Variants in CFAP221 observed in about 807,000 individuals in gnomAD.
CFAP221 encodes cilia- and flagella-associated protein 221.
In CFAP221, 97 loss-of-function variants were observed where a neutral mutation model predicts 113.1. The observed-to-expected ratio is 0.86, with a 90% CI of 0.73 to 1.02. The LOEUF (loss-of-function observed/expected upper bound fraction) is 1.02. Among genes scored for constraint, CFAP221 ranks in the 50% least tolerant of loss-of-function variants. The pLI, the probability that CFAP221 is intolerant of heterozygous loss-of-function variation, is 0.00. For synonymous variants in CFAP221, 331 were observed against 354.4 expected (o/e 0.93, Z 0.74); for missense variants, 1,025 against 1,013.4 (o/e 1.01, Z -0.16).
At chr2:119,583,395 C>CTTTTTTTTTTT (rs375405686) in intron 6 of CFAP221, among the ~76,000 whole-genome samples, 5 of 123,316 alleles carry the variant, frequency 4.1e-5, no homozygotes, top group Non-Finnish European at 6.6e-5. Context: ...GAAATAGTCT[C>CTTTTTTTTTTT]TTTTTTTTTT....
At chr2:119,574,428 C>A (rs533548286) in intron 6 of CFAP221, among the ~76,000 whole-genome samples, 1 of 152,304 alleles carries the variant, frequency 6.6e-6, no homozygotes, top group East Asian at 1.9e-4. Flanking sequence ...AAAAAGTGTT[C>A]ATGGATGAAT....
intron 14 of CFAP221, among the ~76,000 whole-genome samples, chr2:119,620,771 T>C (rs1488848400): frequency 6.6e-6 from 1 of 152,146 alleles, no homozygotes; most frequent in Non-Finnish European, 1.5e-5. Context: ...ACAGGTTAAG[T>C]GCCCCAATTA....
At chr2:119,568,404 T>C (rs1225280875) in intron 6 of CFAP221, among the ~76,000 whole-genome samples, 1 of 152,206 alleles carries the variant, frequency 6.6e-6, no homozygotes, top group Non-Finnish European at 1.5e-5. Flanking sequence ...ATGTGTGCCA[T>C]GGTGGTTTGC....
intron 23 of CFAP221, among the ~76,000 whole-genome samples, chr2:119,654,654 AAACT>A (rs1206419001): frequency 2.6e-5 from 4 of 152,210 alleles, no homozygotes; most frequent in Non-Finnish European, 2.9e-5. Context: ...ACAGAAAAAC[AAACT>A]AACAATGAAC....
intron 3 of CFAP221, 71 bp from the exon 4 acceptor site, chr2:119,559,618 G>T: frequency 7.8e-7 from 1 of 1,274,498 alleles, no homozygotes; most frequent in Non-Finnish European, 1.1e-6. Context: ...AACAGATGAA[G>T]TCTACATAAA....
At chr2:119,598,647 G>T (rs928176816) in intron 7 of CFAP221, among the ~76,000 whole-genome samples, 1 of 152,192 alleles carries the variant, frequency 6.6e-6, no homozygotes, top group Non-Finnish European at 1.5e-5. Context: ...ACTCTCCTTT[G>T]TGCCACTGTT....
intron 14 of CFAP221, among the ~76,000 whole-genome samples, 176 bp downstream of exon 14, chr2:119,615,885 C>G (rs1685491616): frequency 6.6e-6 from 1 of 152,116 alleles, no homozygotes. Context: ...GCAGCCATCA[C>G]CCCTATCTAA....
intron 8 of CFAP221, among the ~76,000 whole-genome samples, chr2:119,603,739 C>G (rs1684520341): frequency 6.6e-6 from 1 of 152,114 alleles, no homozygotes; most frequent in South Asian, 2.1e-4. Flanking sequence ...TGGTTATTTT[C>G]AAAATCGTAA....
intron 14 of CFAP221, among the ~76,000 whole-genome samples, chr2:119,618,140 C>A (rs187667938): frequency 1.3e-5 from 2 of 152,318 alleles, no homozygotes; most frequent in African/African-American, 4.8e-5. Flanking sequence ...TATTTATTGT[C>A]ATCCCACTTT....
At chr2:119,553,964 A>G (rs1680603985) in intron 3 of CFAP221, among the ~76,000 whole-genome samples, 1 of 152,206 alleles carries the variant, frequency 6.6e-6, no homozygotes, top group Non-Finnish European at 1.5e-5. Context: ...AGTAAATACA[A>G]TGTAAAGTCT....
chr2:119,604,418 G>T (rs1684577846), intron 8 of CFAP221, among the ~76,000 whole-genome samples: 1 of 151,936 alleles, frequency 6.6e-6, no homozygotes, highest in East Asian at 1.9e-4. Flanking sequence ...TGGTGACAGA[G>T]TGAGACTCCA....
chr2:119,614,628 G>A (rs963509744), intron 13 of CFAP221, among the ~76,000 whole-genome samples: 1 of 152,122 alleles, frequency 6.6e-6, no homozygotes, highest in African/African-American at 2.4e-5. Context: ...GAACAGGATG[G>A]GGAAAACTGC....
chr2:119,642,781 C>A (rs1029613645), intron 21 of CFAP221, among the ~76,000 whole-genome samples: 10 of 151,968 alleles, frequency 6.6e-5, no homozygotes, highest in African/African-American at 2.4e-4. Context: ...CTCAAGCAAT[C>A]CTCCCACCTC....
At chr2:119,549,269 G>A in intron 3 of CFAP221, 84 bp downstream of exon 3, 1 of 1,111,242 alleles carries the variant, frequency 9.0e-7, no homozygotes, top group Non-Finnish European at 1.3e-6. Flanking sequence ...CTTATCTAAA[G>A]CACAGCATAA....
intron 22 of CFAP221, among the ~76,000 whole-genome samples, chr2:119,650,410 T>C (rs1010031806): frequency 6.6e-6 from 1 of 152,250 alleles, no homozygotes. Context: ...TCATATTTGC[T>C]TCAGCTTCTT....
At chr2:119,593,858 C>A (rs1431082390) in intron 7 of CFAP221, among the ~76,000 whole-genome samples, 2 of 150,520 alleles carry the variant, frequency 1.3e-5, no homozygotes, top group Non-Finnish European at 3.0e-5. Flanking sequence ...CAAAACGAAA[C>A]AACAACAACA....
At chr2:119,604,202 G>A (rs1015267662) in intron 8 of CFAP221, among the ~76,000 whole-genome samples, 5 of 152,186 alleles carry the variant, frequency 3.3e-5, no homozygotes, top group African/African-American at 1.2e-4. Flanking sequence ...TTGGGAGGCA[G>A]AGGCTGGTGG....
intron 6 of CFAP221, among the ~76,000 whole-genome samples, chr2:119,569,755 C>G (rs868794655): frequency 6.6e-6 from 1 of 152,234 alleles, no homozygotes; most frequent in African/African-American, 2.4e-5. Context: ...CTCAGAGATT[C>G]TCTCCTTAGC....
intron 3 of CFAP221, among the ~76,000 whole-genome samples, chr2:119,553,729 A>G (rs999069815): frequency 6.6e-6 from 1 of 152,020 alleles, no homozygotes; most frequent in Non-Finnish European, 1.5e-5. Flanking sequence ...GGAGCAAGGG[A>G]GTATGGTTTA....
Sources: allele counts gnomAD v4.1 joint callset (sites outside exome capture counted in the v4.1 genomes callset), GRCh38; gene constraint gnomAD v4.1.1; transcripts MANE v1.5; gene names NCBI Gene and HGNC (gene_info 2026-07-23, HGNC 2026-07-21).